The following CNTNAP4 variants were observed in gnomAD, a reference collection of about 807,000 sequenced individuals.
The protein encoded by CNTNAP4 is contactin associated protein family member 4.
CNTNAP4 carries 98 observed loss-of-function variants against 148.4 expected under a neutral mutation model. The observed-to-expected ratio is 0.66, with a 90% CI of 0.56 to 0.78. CNTNAP4 has a LOEUF of 0.78. Among genes scored for constraint, CNTNAP4 ranks in the 30% least tolerant of loss-of-function variants. CNTNAP4 has a pLI of 0.00. For synonymous variants in CNTNAP4, 730 were observed against 565.1 expected, an observed-to-expected ratio of 1.29 and a Z score of -4.14; for missense variants, 1,935 against 1,565.6, an observed-to-expected ratio of 1.24 and a Z score of -3.98.
At chr16:76,551,596 G>C (rs1292142260) in intron 21 of CNTNAP4, among the ~76,000 whole-genome samples, 1 of 152,124 alleles carries the variant, frequency 6.6e-6, no homozygotes, top group Non-Finnish European at 1.5e-5. Context: ...CAGTAGGCCA[G>C]AGGTCCAGTA....
At chr16:76,424,397 T>G (rs1232522984) in intron 3 of CNTNAP4, among the ~76,000 whole-genome samples, 1 of 152,124 alleles carries the variant, frequency 6.6e-6, no homozygotes, top group Non-Finnish European at 1.5e-5. Context: ...ATCAAAAGTA[T>G]AAGAAGATCT....
At chr16:76,356,527 A>C (rs2012669425) in intron 3 of CNTNAP4, among the ~76,000 whole-genome samples, 1 of 152,214 alleles carries the variant, frequency 6.6e-6, no homozygotes, top group African/African-American at 2.4e-5. Flanking sequence ...ACCTGATGGA[A>C]GAAGAACCTA....
At chr16:76,501,080 T>C (rs2082620568) in intron 15 of CNTNAP4, among the ~76,000 whole-genome samples, 1 of 152,208 alleles carries the variant, frequency 6.6e-6, no homozygotes. Flanking sequence ...GCCTTAAAAA[T>C]TATATATACA....
intron 15 of CNTNAP4, among the ~76,000 whole-genome samples, chr16:76,519,135 T>A (rs1454542012): frequency 6.6e-6 from 1 of 152,208 alleles, no homozygotes; most frequent in African/African-American, 2.4e-5. Context: ...TCTTTATAAT[T>A]GTTTTGAATT....
intron 3 of CNTNAP4, among the ~76,000 whole-genome samples, chr16:76,365,373 A>G (rs534971180): frequency 4.6e-5 from 7 of 152,262 alleles, no homozygotes; most frequent in South Asian, 2.1e-4. Context: ...TTTTGGTTCC[A>G]TATGAAATTT....
intron 17 of CNTNAP4, among the ~76,000 whole-genome samples, chr16:76,526,448 G>GGTAT (rs2083735604): frequency 6.6e-6 from 1 of 152,060 alleles, no homozygotes; most frequent in Non-Finnish European, 1.5e-5. Flanking sequence ...TACCCAGAAG[G>GGTAT]GTATGGATGG....
intron 15 of CNTNAP4, among the ~76,000 whole-genome samples, chr16:76,511,822 G>A (rs1266671247): frequency 1.4e-5 from 2 of 139,010 alleles, no homozygotes; most frequent in Non-Finnish European, 3.1e-5. Context: ...GGTATTCTTG[G>A]AGCTTATATT....
chr16:76,308,038 C>T (rs1330681058), intron 1 of CNTNAP4, among the ~76,000 whole-genome samples: 1 of 152,186 alleles, frequency 6.6e-6, no homozygotes, highest in Non-Finnish European at 1.5e-5. Flanking sequence ...AAATGAATTA[C>T]TTGACAATTA....
At chr16:76,423,086 T>C (rs2079247771) in intron 3 of CNTNAP4, among the ~76,000 whole-genome samples, 1 of 152,158 alleles carries the variant, frequency 6.6e-6, no homozygotes, top group African/African-American at 2.4e-5. Context: ...CTATGAAACA[T>C]GAAGTAGGCC....
intron 3 of CNTNAP4, among the ~76,000 whole-genome samples, chr16:76,392,852 C>T (rs1506836): frequency 0.41 from 62,137 of 151,926 alleles, 13,000 homozygotes; most frequent in Middle Eastern, 0.52. Flanking sequence ...TTGAAGATGC[C>T]TGTCAATGAA....
intron 3 of CNTNAP4, among the ~76,000 whole-genome samples, chr16:76,390,509 C>G (rs772433144): frequency 6.6e-6 from 1 of 151,616 alleles, no homozygotes; most frequent in Non-Finnish European, 1.5e-5. Context: ...CAGGCGTTCA[C>G]AGCCAGGGAA....
intron 3 of CNTNAP4, among the ~76,000 whole-genome samples, chr16:76,404,025 G>A (rs1007756798): frequency 2.6e-5 from 4 of 152,088 alleles, no homozygotes; most frequent in Non-Finnish European, 5.9e-5. Flanking sequence ...AAGGAACAAC[G>A]GACACTGGGG....
intron 4 of CNTNAP4, among the ~76,000 whole-genome samples, chr16:76,428,131 C>G (rs1030254379): frequency 3.3e-5 from 5 of 152,204 alleles, no homozygotes; most frequent in African/African-American, 9.6e-5. Context: ...GTTTAAAATA[C>G]TTTCACATAA....
At chr16:76,449,049 A>C in intron 6 of CNTNAP4, 98 bp downstream of exon 6, 1 of 1,135,748 alleles carries the variant, frequency 8.8e-7, no homozygotes, top group Non-Finnish European at 1.3e-6. Context: ...CCTTTTCAGT[A>C]AATCATAGAA....
At chr16:76,401,709 T>C (rs2078424070) in intron 3 of CNTNAP4, among the ~76,000 whole-genome samples, 1 of 152,146 alleles carries the variant, frequency 6.6e-6, no homozygotes, top group Non-Finnish European at 1.5e-5. Context: ...TTTTGAAGTA[T>C]GTTCCTTCAA....
At chr16:76,489,481 A>G (rs1366707165) in intron 12 of CNTNAP4, among the ~76,000 whole-genome samples, 2 of 152,224 alleles carry the variant, frequency 1.3e-5, no homozygotes, top group African/African-American at 4.8e-5. Context: ...ATGCATGGCA[A>G]TAGTATATAT....
chr16:76,408,906 A>C (rs2078698103), intron 3 of CNTNAP4, among the ~76,000 whole-genome samples: 1 of 152,064 alleles, frequency 6.6e-6, no homozygotes. Context: ...TGAGTCCCTG[A>C]GGAATTGCTG....
chr16:76,557,408 G>A lies in CNTNAP4; in HGVS notation c.3734-1082G>A, dbSNP rs530833221. The A allele has an allele frequency of 5.6e-4, 85 of 152,296 alleles. No individual in the cohort carries two copies. The Middle Eastern group carries it at 0.01, about 18-fold the overall frequency. 9.4% of individuals were successfully genotyped at this position (152,296 alleles called of 1,614,324 possible). A position where few individuals can be genotyped will look rare whatever the true frequency, so the allele number is the denominator to read the frequency against. ...TTCAGTTCACAACTCAAAGGTTCACGTAAGTGCTTTTCCTGGAGACAATGA... is the reference window on the plus strand; with the variant it reads ...TTCAGTTCACAACTCAAAGGTTCACATAAGTGCTTTTCCTGGAGACAATGA... On this transcript the variant is annotated intron_variant, in intron 23 of 23. Transcript: ENST00000611870.
At chr16:76,404,380 C>A (rs1335570341) in intron 3 of CNTNAP4, among the ~76,000 whole-genome samples, 2 of 150,108 alleles carry the variant, frequency 1.3e-5, no homozygotes, top group Admixed American at 6.7e-5. Flanking sequence ...ATAATAAATC[C>A]CAGTCTACTC....
Sources: gnomAD v4.1 joint callset for allele counts (sites outside exome capture counted in the v4.1 genomes callset) on GRCh38, gnomAD v4.1.1 for gene constraint, MANE v1.5 for transcripts, NCBI Gene and HGNC (gene_info 2026-07-23, HGNC 2026-07-21) for gene names.